The following MPPED2 variants were observed in gnomAD, a reference collection of about 807,000 sequenced individuals.
The protein encoded by MPPED2 is metallophosphoesterase domain containing 2.
Under a neutral mutation model 33.0 loss-of-function variants are expected in MPPED2, and 5 were observed. That is an observed-to-expected ratio of 0.15 (90% CI 0.08 to 0.32). The LOEUF is 0.32. Ranked by LOEUF, MPPED2 falls within the 10% of genes least tolerant of loss-of-function variation. The pLI is 1.00. For synonymous variants in MPPED2, 136 were observed against 141.9 expected (o/e 0.96, Z 0.29); for missense variants, 275 against 372.1 (o/e 0.74, Z 2.15).
At chr11:30,479,587 T>A (rs563047) in intron 4 of MPPED2, among the ~76,000 whole-genome samples, 15,389 of 152,104 alleles carry the variant, frequency 0.1, 1,007 homozygotes, top group South Asian at 0.24. Flanking sequence ...TCCACCTGCT[T>A]GCTACAAGGT....
chr11:30,510,458 A>G (rs1953100255), intron 3 of MPPED2, among the ~76,000 whole-genome samples: 1 of 152,212 alleles, frequency 6.6e-6, no homozygotes, highest in Admixed American at 6.5e-5. Flanking sequence ...TCCTCAGCCA[A>G]TACAGCACCT....
intron 4 of MPPED2, among the ~76,000 whole-genome samples, chr11:30,483,926 G>A (rs1454758334): frequency 6.6e-6 from 1 of 152,104 alleles, no homozygotes; most frequent in Non-Finnish European, 1.5e-5. Flanking sequence ...ATTAAACCAG[G>A]CAGCCATCAG....
At chr11:30,503,507 C>A (rs973845793) in intron 3 of MPPED2, among the ~76,000 whole-genome samples, 1 of 152,026 alleles carries the variant, frequency 6.6e-6, no homozygotes, top group Admixed American at 6.6e-5. Context: ...TTCTCCACAC[C>A]CTTTTTTTTA....
At chr11:30,498,616 T>C (rs11031118) in intron 3 of MPPED2, among the ~76,000 whole-genome samples, 34,486 of 151,774 alleles carry the variant, frequency 0.23, 4,980 homozygotes, top group Non-Finnish European at 0.32. Context: ...GTCTATGTTC[T>C]ACTAATGGTA....
intron 4 of MPPED2, among the ~76,000 whole-genome samples, chr11:30,447,488 G>A (rs1411464420): frequency 1.3e-5 from 2 of 152,158 alleles, no homozygotes; most frequent in African/African-American, 4.8e-5. Flanking sequence ...TGGCTTTGGT[G>A]TTGCTGTTTA....
At chr11:30,570,545 C>T (rs899385274) in intron 2 of MPPED2, among the ~76,000 whole-genome samples, 8 of 151,970 alleles carry the variant, frequency 5.3e-5, no homozygotes, top group Non-Finnish European at 8.8e-5. Flanking sequence ...TGATAGGCTT[C>T]GGTGGTTATC....
intron 4 of MPPED2, among the ~76,000 whole-genome samples, chr11:30,422,475 A>G (rs2133797746): frequency 6.6e-6 from 1 of 152,352 alleles, no homozygotes; most frequent in South Asian, 2.1e-4. Context: ...ATATCTACAC[A>G]GAGCAGAACA....
intron 1 of MPPED2, 68 bp from the exon 2 acceptor site, chr11:30,580,562 T>C: frequency 7.3e-7 from 1 of 1,368,588 alleles, no homozygotes; most frequent in Non-Finnish European, 9.5e-7. Flanking sequence ...GAGACATAAA[T>C]TTAACATCTA....
chr11:30,400,928 C>T (rs902871516), intron 6 of MPPED2, among the ~76,000 whole-genome samples: 4 of 152,072 alleles, frequency 2.6e-5, no homozygotes, highest in African/African-American at 4.8e-5. Context: ...CCACGACCCT[C>T]AGCTAATTTT....
chr11:30,452,125 C>T (rs1370864057), intron 4 of MPPED2: 3 of 983,618 alleles, frequency 3.0e-6, no homozygotes, highest in Non-Finnish European at 3.6e-6. Context: ...CTCTTCTCTA[C>T]TTAAAAATCT....
intron 4 of MPPED2, among the ~76,000 whole-genome samples, chr11:30,460,761 T>G (rs533969882): frequency 6.6e-6 from 1 of 152,320 alleles, no homozygotes; most frequent in African/African-American, 2.4e-5. Context: ...AAAAAGTAGC[T>G]TACAGATTGC....
intron 3 of MPPED2, among the ~76,000 whole-genome samples, chr11:30,521,810 C>T (rs1953891918): frequency 6.6e-6 from 1 of 152,148 alleles, no homozygotes; most frequent in Non-Finnish European, 1.5e-5. Context: ...CAGAAGAATG[C>T]AGGATGTGGG....
At chr11:30,541,865 T>G (rs1169350588) in intron 2 of MPPED2, among the ~76,000 whole-genome samples, 2 of 152,162 alleles carry the variant, frequency 1.3e-5, no homozygotes, top group Non-Finnish European at 2.9e-5. Flanking sequence ...GTGTTAGGAG[T>G]ACAGGAGTGA....
chr11:30,417,504 T>C lies in MPPED2; in HGVS notation c.652+14A>G. The C allele has an allele frequency of 6.6e-7, 1 of 1,510,374 alleles. No individual in the cohort carries two copies. The highest frequency in any genetic ancestry group is 1.1e-5 in the South Asian group (1 of 88,684). 93.6% of individuals were successfully genotyped at this position (1,510,374 alleles called of 1,614,324 possible). A position where few individuals can be genotyped will look rare whatever the true frequency, so the allele number is the denominator to read the frequency against. On this transcript the variant is annotated intron_variant, in intron 5 of 6. Coordinates refer to ENST00000358117, the MANE Select transcript of MPPED2 (RefSeq NM_001584.3). ...GGCATCTGGATGACAAAGGACAACC[T>C]TTGCTTCACTTACCTAGAGGAGGTC...
chr11:30,455,952 G>A (rs977129634), intron 4 of MPPED2, among the ~76,000 whole-genome samples: 3 of 152,236 alleles, frequency 2.0e-5, no homozygotes, highest in African/African-American at 7.2e-5. Context: ...ACACAGACAG[G>A]ACGCTGCCCT....
chr11:30,435,286 T>A (rs1001457081), intron 4 of MPPED2, among the ~76,000 whole-genome samples: 23 of 152,324 alleles, frequency 1.5e-4, no homozygotes, highest in Middle Eastern at 3.4e-3. Context: ...ACACCATCTC[T>A]TATGTGAAAT....
At chr11:30,393,410 T>C (rs188652792) in intron 6 of MPPED2, among the ~76,000 whole-genome samples, 1 of 152,290 alleles carries the variant, frequency 6.6e-6, no homozygotes, top group Admixed American at 6.5e-5. Flanking sequence ...CAGAGTTCCA[T>C]CTTGGCCTTG....
chr11:30,457,434 C>T (rs138181904), intron 4 of MPPED2, among the ~76,000 whole-genome samples: 32 of 150,506 alleles, frequency 2.1e-4, no homozygotes, highest in African/African-American at 7.3e-4. Flanking sequence ...AAGCTGATAT[C>T]GCAAGAAGCT....
At chr11:30,476,237 A>G (rs1222311) in intron 4 of MPPED2, among the ~76,000 whole-genome samples, 90,424 of 151,706 alleles carry the variant, frequency 0.6, 27,086 homozygotes, top group East Asian at 0.74. Context: ...TTGTAATGAT[A>G]TCTTTCAAAG....
Sources: allele counts gnomAD v4.1 joint callset (sites outside exome capture counted in the v4.1 genomes callset), GRCh38; gene constraint gnomAD v4.1.1; transcripts MANE v1.5; gene names NCBI Gene and HGNC (gene_info 2026-07-23, HGNC 2026-07-21).